Variants in CYP19A1 observed in about 807,000 individuals in gnomAD.
CYP19A1 encodes the protein aromatase.
Under a neutral mutation model 44.4 loss-of-function variants are expected in CYP19A1, and 32 were observed. The ratio of observed to expected loss-of-function variants is 0.72; its 90% CI spans 0.54 to 0.97. The LOEUF (loss-of-function observed/expected upper bound fraction) is 0.97. CYP19A1 is among the 50% of genes least tolerant of loss of function. CYP19A1 has a pLI of 0.00. For missense variants in CYP19A1, 598 were observed against 637.8 expected (o/e 0.94, Z 0.67); for synonymous variants, 212 against 215.6 (o/e 0.98, Z 0.14).
chr15:51,267,586 C>T (rs1005641018), intron 1 of CYP19A1, among the ~76,000 whole-genome samples: 1 of 152,296 alleles, frequency 6.6e-6, no homozygotes, highest in African/African-American at 2.4e-5. Flanking sequence ...CGGTGTTCGC[C>T]GGGTGGGGGC....
At chr15:51,299,013 A>T (rs951652812) in intron 1 of CYP19A1, among the ~76,000 whole-genome samples, 3 of 152,336 alleles carry the variant, frequency 2.0e-5, no homozygotes, top group Middle Eastern at 3.4e-3. Flanking sequence ...CCCATGCTCC[A>T]TGAAGTTTTG....
At chr15:51,240,780 C>G (rs1243658070) in intron 2 of CYP19A1, among the ~76,000 whole-genome samples, 1 of 152,166 alleles carries the variant, frequency 6.6e-6, no homozygotes, top group Non-Finnish European at 1.5e-5. Context: ...CCCTACATTC[C>G]CACTTTCTGT....
At chr15:51,309,285 C>G (rs548013886) in intron 1 of CYP19A1, among the ~76,000 whole-genome samples, 1 of 152,180 alleles carries the variant, frequency 6.6e-6, no homozygotes, top group Admixed American at 6.5e-5. Flanking sequence ...TCTCTGCTAG[C>G]ACCCTGATCT....
chr15:51,284,299 T>TA (rs988070254), intron 1 of CYP19A1, among the ~76,000 whole-genome samples: 1 of 152,212 alleles, frequency 6.6e-6, no homozygotes, highest in Non-Finnish European at 1.5e-5. Context: ...GAAGGACTAG[T>TA]AGATACTGGA....
At chr15:51,251,908 T>G (rs1274413304) in intron 1 of CYP19A1, among the ~76,000 whole-genome samples, 1 of 152,162 alleles carries the variant, frequency 6.6e-6, no homozygotes. Flanking sequence ...TGGACGTCCA[T>G]TTCCTTATCT....
intron 1 of CYP19A1, among the ~76,000 whole-genome samples, chr15:51,316,977 G>C (rs1410801435): frequency 6.6e-6 from 1 of 152,168 alleles, no homozygotes; most frequent in Non-Finnish European, 1.5e-5. Flanking sequence ...GGGACTATGA[G>C]GTAGGGTGCC....
chr15:51,283,757 G>A (rs1595756003), intron 1 of CYP19A1, among the ~76,000 whole-genome samples: 1 of 152,196 alleles, frequency 6.6e-6, no homozygotes, highest in Admixed American at 6.5e-5. Context: ...TTCTAAAGAT[G>A]GACAACCTCT....
intron 1 of CYP19A1, among the ~76,000 whole-genome samples, chr15:51,322,681 C>T (rs1206478410): frequency 2.0e-5 from 3 of 152,192 alleles, no homozygotes; most frequent in Non-Finnish European, 4.4e-5. Flanking sequence ...CCCCCACCCC[C>T]GCTTCCCCAC....
chr15:51,321,931 G>T (rs1390931143), intron 1 of CYP19A1: 1 of 149,196 alleles, frequency 6.7e-6, no homozygotes, highest in South Asian at 2.1e-4. Flanking sequence ...ACTAAACGGA[G>T]AGAAATGCTG....
chr15:51,284,812 GGAA>G (rs1326720467), intron 1 of CYP19A1, among the ~76,000 whole-genome samples: 1 of 152,196 alleles, frequency 6.6e-6, no homozygotes, highest in Non-Finnish European at 1.5e-5. Context: ...AATTATATGG[GGAA>G]GAAGATTTGC....
At chr15:51,319,205 G>A (rs2036484573) in intron 1 of CYP19A1, among the ~76,000 whole-genome samples, 2 of 152,144 alleles carry the variant, frequency 1.3e-5, no homozygotes, top group African/African-American at 4.8e-5. Context: ...GCTGAAGTTG[G>A]AATGTGTTCA....
Position 51,210,140 on chromosome 15 carries a change from G to T in CYP19A1, c.*668C>A, listed in dbSNP as rs2030788337. On this transcript the variant is annotated 3_prime_UTR_variant, in exon 10 of 10. Coordinates refer to ENST00000396402, the MANE Select transcript of CYP19A1 (RefSeq NM_000103.4). ...GAATCTACAGGTAACACAATGAATT[G>T]TAGCACAGGCAAGTGGCTGAGGCAT... 7 of 349,534 alleles carry T rather than the reference G, an allele frequency of 2.0e-5. No individual in the cohort carries two copies. The highest frequency in any genetic ancestry group is 1.5e-4 in the South Asian group (7 of 45,996). 21.7% of individuals were successfully genotyped at this position (349,534 alleles called of 1,614,324 possible).
intron 1 of CYP19A1, among the ~76,000 whole-genome samples, chr15:51,268,533 T>C: frequency 7.0e-6 from 1 of 143,364 alleles, no homozygotes; most frequent in African/African-American, 2.5e-5. Flanking sequence ...CCCCCCCCTT[T>C]TTTTTTGGCT....
intron 1 of CYP19A1, among the ~76,000 whole-genome samples, chr15:51,336,175 C>T (rs547136384): frequency 2.0e-4 from 31 of 152,242 alleles, no homozygotes; most frequent in African/African-American, 6.7e-4. Flanking sequence ...GTCTCGTGGC[C>T]GCATTTAGAA....
At chr15:51,218,267 C>G (rs2031757971) in intron 6 of CYP19A1, among the ~76,000 whole-genome samples, 1 of 152,158 alleles carries the variant, frequency 6.6e-6, no homozygotes, top group South Asian at 2.1e-4. Flanking sequence ...TCAAAATACA[C>G]TAGTGTCCTA....
chr15:51,315,349 G>A lies in CYP19A1; in HGVS notation c.-39+23146C>T, dbSNP rs78339028. ...CTTAGCTCACACATACTCAGTCTTC[G>A]GGTTTCCACTGTAATGATATCTCAC... On this transcript the variant is annotated intron_variant, in intron 1 of 9. Transcript: ENST00000396402. Among the ~76,000 whole-genome samples, 2,402 of 152,100 alleles carry A rather than the reference G, an allele frequency of 0.016. 183 individuals carry two copies. In the East Asian group the frequency reaches 0.25, roughly 16 times the overall value.
rs963273560 is a variant in CYP19A1 at position 51,296,641 on chromosome 15, C to CT, written c.-39+41853dup. ...TTTATGCTGAGATTTATTCTCCTCA[C>CT]TTTTTTTGGTATTAAAATGCTTCAT... is the stretch of plus-strand genomic sequence containing the variant. On this transcript the variant is annotated intron_variant, in intron 1 of 9. Coordinates refer to ENST00000396402, the MANE Select transcript of CYP19A1 (RefSeq NM_000103.4). Among the ~76,000 whole-genome samples the CT allele has an allele frequency of 3.3e-5, 5 of 152,254 alleles. No individual in the cohort carries two copies. The South Asian group carries it at 1.0e-3, about 32-fold the overall frequency.
intron 1 of CYP19A1, among the ~76,000 whole-genome samples, chr15:51,299,645 G>A (rs2036070929): frequency 6.6e-6 from 1 of 152,210 alleles, no homozygotes; most frequent in Admixed American, 6.5e-5. Context: ...CCCACACACA[G>A]AATGAGCACC....
At chr15:51,306,824 A>G (rs1351195223) in intron 1 of CYP19A1, among the ~76,000 whole-genome samples, 1 of 152,222 alleles carries the variant, frequency 6.6e-6, no homozygotes, top group East Asian at 1.9e-4. Context: ...GAGGGAAATT[A>G]TCTAGAGTCC....
Sources: allele counts gnomAD v4.1 joint callset (sites outside exome capture counted in the v4.1 genomes callset), GRCh38; gene constraint gnomAD v4.1.1; transcripts MANE v1.5; gene names NCBI Gene and HGNC (gene_info 2026-07-23, HGNC 2026-07-21).